The following GPC6 variants were observed in gnomAD, a reference collection of about 807,000 sequenced individuals.
GPC6 encodes the protein glypican-6.
In GPC6, 14 loss-of-function variants were observed where a neutral mutation model predicts 55.2. That is an observed-to-expected ratio of 0.25 (90% CI 0.17 to 0.40). The LOEUF (loss-of-function observed/expected upper bound fraction) is 0.40, where lower values mean the gene tolerates loss of function less well. Among genes scored for constraint, GPC6 ranks in the 10% least tolerant of loss-of-function variants. The pLI is 1.00. For missense variants in GPC6, 641 were observed against 708.5 expected, an observed-to-expected ratio of 0.90 and a Z score of 1.08; for synonymous variants, 278 against 259.6, an observed-to-expected ratio of 1.07 and a Z score of -0.68.
chr13:93,840,005 T>G (rs1405261023), intron 3 of GPC6, among the ~76,000 whole-genome samples: 1 of 152,152 alleles, frequency 6.6e-6, no homozygotes, highest in East Asian at 1.9e-4. Context: ...GAGGGTTCCT[T>G]CTTTCTCTAT....
chr13:93,967,626 G>A lies in GPC6; in HGVS notation c.712-60103G>A, dbSNP rs185022879. The stretch of plus-strand genomic sequence containing the variant: ...ATGCACCTGTAAAACATCTTTCTGC[G>A]GTTCATTCTGCACTGTGCCTGTCAT... On this transcript the variant is annotated intron_variant, in intron 3 of 8. Transcript: ENST00000377047. Among the ~76,000 whole-genome samples the A allele has an allele frequency of 3.0e-3, 453 of 152,104 alleles. 1 individual carries two copies. Among genetic ancestry groups the A allele is most frequent in the Admixed American group, 6.2e-3 (94 of 15,270 alleles).
At chr13:93,703,421 A>G (rs947379599) in intron 2 of GPC6, among the ~76,000 whole-genome samples, 1 of 152,034 alleles carries the variant, frequency 6.6e-6, no homozygotes, top group Non-Finnish European at 1.5e-5. Context: ...AATTTGACAC[A>G]GAGATGAGAC....
intron 4 of GPC6, among the ~76,000 whole-genome samples, chr13:94,283,528 T>C (rs1892447169): frequency 6.6e-6 from 1 of 152,238 alleles, no homozygotes; most frequent in Admixed American, 6.5e-5. Context: ...TTGCCTTTGG[T>C]TGGGCACCTG....
intron 2 of GPC6, among the ~76,000 whole-genome samples, chr13:93,742,869 C>T (rs150361241): frequency 4.0e-4 from 61 of 152,158 alleles, no homozygotes; most frequent in African/African-American, 1.2e-3. Context: ...CCAACATTCC[C>T]GTCTGCAGTA....
At chr13:93,346,945 A>G (rs1880453702) in intron 1 of GPC6, among the ~76,000 whole-genome samples, 1 of 152,174 alleles carries the variant, frequency 6.6e-6, no homozygotes, top group African/African-American at 2.4e-5. Flanking sequence ...AATACTTTCA[A>G]TGTATCCATT....
chr13:93,603,341 C>T (rs534865460), intron 2 of GPC6, among the ~76,000 whole-genome samples: 3 of 152,220 alleles, frequency 2.0e-5, no homozygotes, highest in South Asian at 4.1e-4. Flanking sequence ...AGCCATATTG[C>T]ATCACTAAAG....
chr13:93,905,640 T>A (rs1156741924), intron 3 of GPC6, among the ~76,000 whole-genome samples: 1 of 152,220 alleles, frequency 6.6e-6, no homozygotes, highest in Non-Finnish European at 1.5e-5. Context: ...ATAAATATGT[T>A]TTGGAATTTT....
In GPC6 at chr13:93,968,033, A is replaced by T. The variant is rs754516956; in HGVS notation, c.712-59696A>T. Among the ~76,000 whole-genome samples, 10 of 152,318 alleles carry T rather than the reference A, an allele frequency of 6.6e-5. No homozygotes were observed. The South Asian group carries it at 1.9e-3, about 28-fold the overall frequency. On this transcript the variant is annotated intron_variant, in intron 3 of 8. Transcript: ENST00000377047. ...ATGAACATATGAGTAAAAATAAAAA[A>T]TTAGGAGTGCTCATTTTAAGATAAA...
intron 2 of GPC6, among the ~76,000 whole-genome samples, chr13:93,820,176 A>G (rs1808523559): frequency 1.3e-5 from 2 of 152,190 alleles, no homozygotes; most frequent in Admixed American, 1.3e-4. Context: ...TTCATTAAAA[A>G]TTTCTTCATG....
chr13:93,953,613 C>T (rs1879364553), intron 3 of GPC6, among the ~76,000 whole-genome samples: 2 of 152,120 alleles, frequency 1.3e-5, no homozygotes, highest in South Asian at 4.1e-4. Flanking sequence ...ATAAGTATTT[C>T]TTTTGAATTG....
In GPC6 at chr13:93,854,376, T is replaced by C. The variant is rs192676990; in HGVS notation, c.711+23831T>C. ...GTATTTGATTTATTTAAAGATAACCTTAAACCTCATGATTCTGCAAAATGC... is the reference window on the plus strand; with the variant it reads ...GTATTTGATTTATTTAAAGATAACCCTAAACCTCATGATTCTGCAAAATGC... On this transcript the variant is annotated intron_variant, in intron 3 of 8. Transcript: ENST00000377047. 2.0e-3 allele frequency among the ~76,000 whole-genome samples: 307 copies of C among 151,836 alleles called. 1 individual carries two copies. Among genetic ancestry groups the C allele is most frequent in the African/African-American group, 7.2e-3 (299 of 41,490 alleles).
chr13:94,399,040 G>T (rs1881016302), intron 8 of GPC6, among the ~76,000 whole-genome samples: 1 of 152,170 alleles, frequency 6.6e-6, no homozygotes, highest in Non-Finnish European at 1.5e-5. Context: ...GCTTAGACAA[G>T]CCTAAGCTAG....
chr13:93,240,404 T>C (rs2139014517), intron 1 of GPC6, among the ~76,000 whole-genome samples: 1 of 152,192 alleles, frequency 6.6e-6, no homozygotes, highest in East Asian at 1.9e-4. Context: ...TATTTATTTA[T>C]TTATTTACTT....
At chr13:93,915,549 A>G (rs1210281393) in intron 3 of GPC6, among the ~76,000 whole-genome samples, 1 of 152,232 alleles carries the variant, frequency 6.6e-6, no homozygotes, top group Non-Finnish European at 1.5e-5. Context: ...GAATGAGAAC[A>G]CTATTTATGC....
chr13:94,398,453 C>G lies in GPC6; in HGVS notation c.1290-13C>G. On this transcript the variant is annotated splice_polypyrimidine_tract_variant and intron_variant, in intron 7 of 8. Coordinates refer to ENST00000377047, the MANE Select transcript of GPC6 (RefSeq NM_005708.5). ...CATCTCCCTGAGGTGTTCTCTCACT[C>G]TCTGCCTTGCAGATACTTGCCTGAG... is the stretch of plus-strand genomic sequence containing the variant. 2 of 1,604,992 alleles carry G rather than the reference C, an allele frequency of 1.2e-6. No homozygotes were observed. The highest frequency in any genetic ancestry group is 1.7e-6 in the Non-Finnish European group (2 of 1,171,864).
At chr13:93,234,002 G>A (rs956672295) in intron 1 of GPC6, among the ~76,000 whole-genome samples, 39 of 152,164 alleles carry the variant, frequency 2.6e-4, no homozygotes, top group African/African-American at 9.2e-4. Context: ...GCACAAAGAA[G>A]CAGATTTTTA....
At chr13:93,965,367 C>T (rs1450375296) in intron 3 of GPC6, among the ~76,000 whole-genome samples, 5 of 151,844 alleles carry the variant, frequency 3.3e-5, no homozygotes, top group Admixed American at 6.6e-5. Flanking sequence ...GCCGAGATTG[C>T]GCCACTGCAT....
Position 93,873,958 on chromosome 13 carries a change from A to T in GPC6, c.711+43413A>T, listed in dbSNP as rs116928448. Among the ~76,000 whole-genome samples the T allele has an allele frequency of 4.1e-3, 625 of 151,996 alleles. 23 individuals carry two copies. In the East Asian group the frequency reaches 0.093, roughly 23 times the overall value. ...CCACTGCTCCACCTTACTCTCAGCC[A>T]CCATCATGTCTTGCCTGGATTCTGC... On this transcript the variant is annotated intron_variant, in intron 3 of 8. Transcript: ENST00000377047.
At chr13:94,039,089 G>A (rs1209712009) in intron 4 of GPC6, among the ~76,000 whole-genome samples, 2 of 151,980 alleles carry the variant, frequency 1.3e-5, no homozygotes, top group Admixed American at 6.6e-5. Context: ...AGGAAGGTAG[G>A]AATAAGTATG....
Sources: allele counts gnomAD v4.1 joint callset (sites outside exome capture counted in the v4.1 genomes callset), GRCh38; gene constraint gnomAD v4.1.1; transcripts MANE v1.5; gene names NCBI Gene and HGNC (gene_info 2026-07-23, HGNC 2026-07-21).